Variants in CCZ1 observed in about 807,000 individuals in gnomAD.
CCZ1 encodes the protein CCZ1 vacuolar protein trafficking and biogenesis associated, also known as vacuolar fusion protein CCZ1 homolog.
In CCZ1, 19 loss-of-function variants were observed where a neutral mutation model predicts 57.8. That is an observed-to-expected ratio of 0.33 (90% CI 0.23 to 0.48). CCZ1 has a LOEUF of 0.48. Among genes scored for constraint, CCZ1 ranks in the 20% least tolerant of loss-of-function variants. The pLI is 0.99. For missense variants in CCZ1, 200 were observed against 492.0 expected, an observed-to-expected ratio of 0.41 and a Z score of 5.61; for synonymous variants, 81 against 167.0, an observed-to-expected ratio of 0.49 and a Z score of 3.97.
chr7:5,913,206 T>C (rs566975451), intron 10 of CCZ1, among the ~76,000 whole-genome samples: 2 of 147,578 alleles, frequency 1.4e-5, no homozygotes, highest in South Asian at 4.6e-4. Context: ...AAGTCTCACG[T>C]GCTCTCAAAC....
At chr7:5,909,625 G>C (rs1781920337) in intron 7 of CCZ1, among the ~76,000 whole-genome samples, 2 of 147,990 alleles carry the variant, frequency 1.4e-5, no homozygotes, top group Non-Finnish European at 3.0e-5. Context: ...CTTGAGCCCT[G>C]GAGGCCAAGG....
chr7:5,915,417 TA>T (rs1482082205), intron 10 of CCZ1, among the ~76,000 whole-genome samples: 1 of 138,176 alleles, frequency 7.2e-6, no homozygotes, highest in Non-Finnish European at 1.6e-5. Context: ...GAAATCTCCA[TA>T]ACCCTGGTGT....
At chr7:5,901,826 A>C in intron 5 of CCZ1, 122 bp downstream of exon 5, 1 of 1,251,478 alleles carries the variant, frequency 8.0e-7, no homozygotes, top group Non-Finnish European at 1.1e-6. Context: ...GTCTTAGAGA[A>C]GAAAATAATG....
chr7:5,910,205 T>A, intron 8 of CCZ1, 89 bp downstream of exon 8: 1 of 1,062,190 alleles, frequency 9.4e-7, no homozygotes, highest in South Asian at 1.4e-5. Context: ...GGGGCGTTTC[T>A]GATCGTTTCT....
At chr7:5,903,684 C>T (rs1007968315) in intron 6 of CCZ1, among the ~76,000 whole-genome samples, 3 of 146,138 alleles carry the variant, frequency 2.1e-5, no homozygotes, top group Non-Finnish European at 4.4e-5. Context: ...ATCATTTAGA[C>T]ATGATTTTAG....
chr7:5,899,374 TG>T (rs1562536500), intron 1 of CCZ1, among the ~76,000 whole-genome samples: 2 of 127,120 alleles, frequency 1.6e-5, no homozygotes, highest in Non-Finnish European at 3.4e-5. Context: ...TGTGTGTGTG[TG>T]TGTGTGTGGT....
intron 7 of CCZ1, among the ~76,000 whole-genome samples, chr7:5,905,750 C>G (rs1295523809): frequency 6.1e-5 from 7 of 114,594 alleles, no homozygotes; most frequent in African/African-American, 2.0e-4. Flanking sequence ...CCACTGTACC[C>G]CAGCCTGGCA....
intron 5 of CCZ1, chr7:5,902,359 A>C (rs1351282315): frequency 6.8e-6 from 2 of 292,518 alleles, no homozygotes; most frequent in African/African-American, 4.5e-5. Flanking sequence ...AACACTGAAA[A>C]ATAAAAAAAC....
intron 6 of CCZ1, among the ~76,000 whole-genome samples, 160 bp downstream of exon 6, chr7:5,902,904 C>T (rs559131944): frequency 4.7e-5 from 7 of 148,986 alleles, no homozygotes; most frequent in South Asian, 4.4e-4. Flanking sequence ...AGCGAGGAAA[C>T]GCATGAGGCT....
At chr7:5,922,531 A>AGGGAG (rs1191574489) in intron 12 of CCZ1, among the ~76,000 whole-genome samples, 691 of 125,448 alleles carry the variant, frequency 5.5e-3, no homozygotes, top group African/African-American at 0.023. Context: ...CTGAGGGTGC[A>AGGGAG]GGGAGGGGAG....
In CCZ1 at chr7:5,901,353, C is replaced by T. The variant is rs574344779; in HGVS notation, c.391-304C>T. On this transcript the variant is annotated intron_variant, in intron 4 of 14. Transcript: ENST00000325974. ...TACAAAAACTGGCCAGGGATGGTGGCGCACACCTGTCATCCCGGCTTCTCA... is the reference window on the plus strand; with the variant it reads ...TACAAAAACTGGCCAGGGATGGTGGTGCACACCTGTCATCCCGGCTTCTCA... 19 of 248,758 alleles carry T rather than the reference C, an allele frequency of 7.6e-5. No homozygotes were observed. The Admixed American group carries it at 7.8e-4, about 10-fold the overall frequency. 15.4% of individuals were successfully genotyped at this position (248,758 alleles called of 1,614,324 possible).
rs200167567 is a variant in CCZ1 at position 5,900,907 on chromosome 7, T to G, written c.365T>G (p.Ile122Ser). 175 of 1,453,844 alleles carry G rather than the reference T, an allele frequency of 1.2e-4. 1 individual carries two copies. The highest frequency in any genetic ancestry group is 3.8e-5 in the Non-Finnish European group (41 of 1,081,294). The allele number at this position is 1,453,844 out of a possible 1,614,324, so 90.1% of individuals were successfully genotyped here. ...CAGAGTAAAGATGGAAAACCAGTTA[T>G]TGAATATCAAGAGGAGGAGTTGTTG... ...EKQSKDGKPVIEYQEEELLDK... is the reference protein window; with the variant it reads ...EKQSKDGKPVSEYQEEELLDK... Residue 122 changes from isoleucine (I) to serine (S), a missense_variant, in exon 4 of 15, where the codon ATT (isoleucine) becomes AGT (serine). Coordinates refer to ENST00000325974, the MANE Select transcript of CCZ1 (RefSeq NM_015622.6).
chr7:5,921,365 TTTG>T, intron 12 of CCZ1, among the ~76,000 whole-genome samples: 1 of 74,364 alleles, frequency 1.3e-5, no homozygotes, highest in East Asian at 3.1e-4. Context: ...TTTGTTGCTT[TTTG>T]TTTTTATTTT....
chr7:5,906,539 T>C (rs1411509240), intron 7 of CCZ1, among the ~76,000 whole-genome samples: 2 of 147,930 alleles, frequency 1.4e-5, no homozygotes, highest in African/African-American at 5.0e-5. Flanking sequence ...GCCAGGCTGG[T>C]CCTAAACCCC....
At chr7:5,905,401 A>G (rs909659624) in intron 7 of CCZ1, 132 bp downstream of exon 7, 6 of 583,442 alleles carry the variant, frequency 1.0e-5, no homozygotes, top group East Asian at 3.9e-5. Context: ...CTTCATAGAT[A>G]TTGTCAAAAT....
At position 5,900,810 on chromosome 7, in the gene CCZ1, G is replaced by A. The variant is rs368319489; in HGVS notation, c.313-45G>A. 2,061 of 1,503,602 alleles carry A rather than the reference G, an allele frequency of 1.4e-3. 82 individuals are homozygous for A. In the African/African-American group the frequency reaches 0.026, roughly 19 times the overall value. 93.1% of individuals were successfully genotyped at this position (1,503,602 alleles called of 1,614,324 possible). Reference sequence around the variant, plus strand: ...TTTAAATTAAGGCAAAATAAACATGGTCTAATGAATTCATTGTATAATTTC... The same window carrying A: ...TTTAAATTAAGGCAAAATAAACATGATCTAATGAATTCATTGTATAATTTC... On this transcript the variant is annotated intron_variant, in intron 3 of 14. Transcript: ENST00000325974.
rs1047548281 is a variant in CCZ1 at position 5,909,386 on chromosome 7, C to T, written c.699-649C>T. On this transcript the variant is annotated intron_variant, in intron 7 of 14. Coordinates refer to ENST00000325974, the MANE Select transcript of CCZ1 (RefSeq NM_015622.6). The stretch of plus-strand genomic sequence containing the variant: ...ACTGTAATCCAGCCTGGGCGACAGA[C>T]GAGACTCATCTCTTGAAAAATGAAA... 1.1e-4 allele frequency among the ~76,000 whole-genome samples: 17 copies of T among 150,172 alleles called. 1 individual carries two copies. Among genetic ancestry groups the T allele is most frequent in the African/African-American group, 3.5e-4 (14 of 40,258 alleles).
At chr7:5,901,138 A>C in intron 4 of CCZ1, 1 of 360,438 alleles carries the variant, frequency 2.8e-6, no homozygotes, top group Non-Finnish European at 4.6e-6. Context: ...TCTACTCTTC[A>C]TTTATATTGA....
Position 5,910,518 on chromosome 7 carries a change from A to G in CCZ1, c.780+402A>G, listed in dbSNP as rs368064380. 3.1e-3 allele frequency among the ~76,000 whole-genome samples: 450 copies of G among 146,006 alleles called. 22 individuals carry two copies. The highest frequency in any genetic ancestry group is 0.018 in the East Asian group (80 of 4,344). ...ATTTTTTTGTATTTTTAGTAGAGACAGGTTTCACTATGTTGGCCAGGCTGG... is the reference window on the plus strand; with the variant it reads ...ATTTTTTTGTATTTTTAGTAGAGACGGGTTTCACTATGTTGGCCAGGCTGG... On this transcript the variant is annotated intron_variant, in intron 8 of 14. Coordinates refer to ENST00000325974, the MANE Select transcript of CCZ1 (RefSeq NM_015622.6).
Sources: gnomAD v4.1 joint callset for allele counts (sites outside exome capture counted in the v4.1 genomes callset) on GRCh38, gnomAD v4.1.1 for gene constraint, MANE v1.5 for transcripts, NCBI Gene and HGNC (gene_info 2026-07-23, HGNC 2026-07-21) for gene names.